Variants in GLT1D1 observed in about 807,000 individuals in gnomAD.
The protein encoded by GLT1D1 is glycosyltransferase 1 domain containing 1.
Under a neutral mutation model 28.7 loss-of-function variants are expected in GLT1D1, and 21 were observed. The observed-to-expected ratio is 0.73, with a 90% CI of 0.52 to 1.05. GLT1D1 has a LOEUF of 1.05. GLT1D1 is among the 50% of genes least tolerant of loss of function. The pLI is 0.00. For synonymous variants in GLT1D1, 147 were observed against 124.8 expected, an observed-to-expected ratio of 1.18 and a Z score of -1.19; for missense variants, 343 against 330.6, an observed-to-expected ratio of 1.04 and a Z score of -0.29.
intron 4 of GLT1D1, among the ~76,000 whole-genome samples, chr12:128,931,625 C>T (rs369876414): frequency 1.3e-5 from 2 of 152,106 alleles, no homozygotes; most frequent in African/African-American, 4.8e-5. Flanking sequence ...TACTACTTCT[C>T]TATGGAACAC....
intron 4 of GLT1D1, among the ~76,000 whole-genome samples, chr12:128,941,905 C>CTTTTTTTT (rs60663875): frequency 1.3e-5 from 1 of 75,362 alleles, no homozygotes; most frequent in Admixed American, 1.8e-4. Context: ...CTCTCTCTCT[C>CTTTTTTTT]TTTTTTTTTT....
chr12:128,975,175 C>A (rs1211692807), intron 7 of GLT1D1, among the ~76,000 whole-genome samples: 2 of 152,190 alleles, frequency 1.3e-5, no homozygotes, highest in Non-Finnish European at 2.9e-5. Context: ...GAGCACGGAG[C>A]CTCCCTGGCT....
At position 128,983,080 on chromosome 12, in the gene GLT1D1, C is replaced by T; in HGVS notation, c.791C>T (p.Thr264Ile). The T allele has an allele frequency of 6.2e-7, 1 of 1,613,888 alleles. No homozygotes were observed. Among genetic ancestry groups the T allele is most frequent in the Non-Finnish European group, 8.5e-7 (1 of 1,179,922 alleles). ...CTCATCAGGAAGCTGGAAGGAAGCACTGAAGATTGAGGGCCCCGCCTCATC... is the reference window on the plus strand; with the variant it reads ...CTCATCAGGAAGCTGGAAGGAAGCATTGAAGATTGAGGGCCCCGCCTCATC... The change falls in exon 8 of 8, where the codon ACT (threonine) becomes ATT (isoleucine). Residue 264 changes from threonine to isoleucine, a missense_variant. By Grantham distance (89) the Thr-to-Ile change is moderately conservative. Transcript: ENST00000281703. The surrounding 1 kb of genome is among the most constrained non-coding windows in gnomAD (Gnocchi z 4.7).
In GLT1D1 at chr12:128,984,012, T is replaced by C. The variant is rs1880571482; in HGVS notation, c.*922T>C. 1 of 152,316 alleles carries C rather than the reference T, an allele frequency of 6.6e-6. No homozygotes were observed. The highest frequency in any genetic ancestry group is 1.5e-5 in the Non-Finnish European group (1 of 68,082). 9.4% of individuals were successfully genotyped at this position (152,316 alleles called of 1,614,324 possible). The stretch of plus-strand genomic sequence containing the variant: ...GGCCTCGCCCCATCCATGTCATCCA[T>C]GTCACATGAGGACGTGCAGTCTTCC... On this transcript the variant is annotated 3_prime_UTR_variant, in exon 8 of 8. Coordinates refer to ENST00000281703, the MANE Select transcript of GLT1D1 (RefSeq NM_144669.3).
chr12:128,931,479 G>T (rs904064789), intron 4 of GLT1D1, among the ~76,000 whole-genome samples: 35 of 150,372 alleles, frequency 2.3e-4, no homozygotes, highest in African/African-American at 8.6e-4. Context: ...GGCAAATTTT[G>T]TATTTTTAGT....
chr12:128,861,680 C>T (rs748094733), intron 1 of GLT1D1, among the ~76,000 whole-genome samples: 56 of 151,992 alleles, frequency 3.7e-4, no homozygotes, highest in Non-Finnish European at 6.9e-4. Flanking sequence ...GTGTGTTTGT[C>T]GGAATGGGAA....
At chr12:128,899,798 C>T (rs12307714) in intron 4 of GLT1D1, among the ~76,000 whole-genome samples, 33,885 of 152,052 alleles carry the variant, frequency 0.22, 4,739 homozygotes, top group Non-Finnish European at 0.31. Context: ...ATGATCTGCC[C>T]GCCTCAGCAT....
Position 128,945,267 on chromosome 12 carries a change from C to T in GLT1D1, c.376-59C>T, listed in dbSNP as rs1052331808. 33 of 1,569,816 alleles carry T rather than the reference C, an allele frequency of 2.1e-5. No homozygotes were observed. The Middle Eastern group carries it at 5.0e-4, about 24-fold the overall frequency. On this transcript the variant is annotated intron_variant, in intron 4 of 7. Coordinates refer to ENST00000281703, the MANE Select transcript of GLT1D1 (RefSeq NM_144669.3). ...GGGCTTTGGCCTGGCCCGTGCTGGCCGGCTGGCAGCGCCACTAGCAGGCGG... is the reference window on the plus strand; with the variant it reads ...GGGCTTTGGCCTGGCCCGTGCTGGCTGGCTGGCAGCGCCACTAGCAGGCGG...
At chr12:128,952,938 C>T (rs1051924150) in intron 6 of GLT1D1, among the ~76,000 whole-genome samples, 2 of 151,704 alleles carry the variant, frequency 1.3e-5, no homozygotes, top group African/African-American at 4.8e-5. Flanking sequence ...ACCACCATGC[C>T]CAGCTAATTT....
intron 2 of GLT1D1, among the ~76,000 whole-genome samples, chr12:128,876,527 G>A (rs1956875293): frequency 6.6e-6 from 1 of 151,802 alleles, no homozygotes; most frequent in African/African-American, 2.4e-5. Flanking sequence ...TGTTGCCCAG[G>A]CTGGTCTTGA....
In GLT1D1 at chr12:128,914,910, C is replaced by CT. The variant is rs1174992878; in HGVS notation, c.375+15630dup. ...GCAGTCGCTTCAAAGTGAACTTGCC[C>CT]TTTTTTTGTTTCTTTGACCCAGGAA... On this transcript the variant is annotated intron_variant, in intron 4 of 7. Coordinates refer to ENST00000281703, the MANE Select transcript of GLT1D1 (RefSeq NM_144669.3). The CT allele has an allele frequency of 2.5e-5, 39 of 1,532,580 alleles. 1 individual carries two copies. The highest frequency in any genetic ancestry group is 3.2e-5 in the Non-Finnish European group (37 of 1,144,008). 94.9% of individuals were successfully genotyped at this position (1,532,580 alleles called of 1,614,324 possible).
chr12:128,875,431 T>C (rs181904718), intron 1 of GLT1D1, among the ~76,000 whole-genome samples: 4 of 152,330 alleles, frequency 2.6e-5, no homozygotes, highest in African/African-American at 9.6e-5. Context: ...AGGCCTTCTT[T>C]TGTATTTTAA....
intron 4 of GLT1D1, among the ~76,000 whole-genome samples, chr12:128,913,345 G>A (rs771646115): frequency 3.9e-5 from 6 of 152,024 alleles, no homozygotes; most frequent in East Asian, 1.9e-4. Context: ...TCAGCCTCCC[G>A]AGTAGCTGGG....
chr12:128,939,722 G>C (rs1874933366), intron 4 of GLT1D1, among the ~76,000 whole-genome samples: 1 of 152,010 alleles, frequency 6.6e-6, no homozygotes, highest in Non-Finnish European at 1.5e-5. Flanking sequence ...CGTCTTACAT[G>C]TCTGGGTCAG....
At chr12:128,963,714 A>G (rs1327725470) in intron 7 of GLT1D1, among the ~76,000 whole-genome samples, 3 of 152,172 alleles carry the variant, frequency 2.0e-5, no homozygotes, top group African/African-American at 7.2e-5. Context: ...CCTATCACGC[A>G]CAGTCATGTT....
intron 4 of GLT1D1, among the ~76,000 whole-genome samples, chr12:128,908,758 G>C (rs1462834123): frequency 6.6e-6 from 1 of 151,898 alleles, no homozygotes; most frequent in Admixed American, 6.6e-5. Context: ...GACCATCTTG[G>C]CTAACACGGT....
At chr12:128,941,984 AT>A (rs1875341985) in intron 4 of GLT1D1, among the ~76,000 whole-genome samples, 1 of 97,112 alleles carries the variant, frequency 1.0e-5, no homozygotes, top group South Asian at 3.1e-4. Context: ...TTTCCTACTT[AT>A]TTTTTTCCCT....
Position 128,942,735 on chromosome 12 carries a change from G to GTT in GLT1D1, c.376-2589_376-2588dup, listed in dbSNP as rs1397894974. Among the ~76,000 whole-genome samples the GTT allele has an allele frequency of 3.0e-3, 266 of 89,482 alleles. 17 individuals are homozygous for GTT. Among genetic ancestry groups the GTT allele is most frequent in the African/African-American group, 7.7e-3 (178 of 23,144 alleles). The allele number at this position is 89,482 out of a possible 152,430, so 58.7% of individuals were successfully genotyped here. The stretch of plus-strand genomic sequence containing the variant: ...ATCACTTTAGATTCCAATTTTCTTT[G>GTT]TTTGTTTGTTTTTGTTTTTTGTTTT... On this transcript the variant is annotated intron_variant, in intron 4 of 7. Transcript: ENST00000281703.
At chr12:128,945,260 T>C in intron 4 of GLT1D1, 66 bp from the exon 9 acceptor site, 3 of 1,540,978 alleles carry the variant, frequency 1.9e-6, no homozygotes, top group Non-Finnish European at 2.7e-6. Flanking sequence ...GCCTGGCCCG[T>C]GCTGGCCGGC....
Sources: gnomAD v4.1 joint callset for allele counts (sites outside exome capture counted in the v4.1 genomes callset) on GRCh38, gnomAD v4.1.1 for gene constraint, Gnocchi (gnomAD v3.1) non-coding constraint, MANE v1.5 for transcripts, NCBI Gene and HGNC (gene_info 2026-07-23, HGNC 2026-07-21) for gene names.